The following ACOT1 variants were observed in gnomAD, a reference collection of about 807,000 sequenced individuals.
ACOT1 encodes acyl-CoA thioesterase 1.
Under a neutral mutation model 15.7 loss-of-function variants are expected in ACOT1, and 8 were observed. The observed-to-expected ratio is 0.51, with a 90% CI of 0.30 to 0.92. ACOT1 has a LOEUF of 0.92. Ranked by LOEUF, ACOT1 falls within the 40% of genes least tolerant of loss-of-function variation. The pLI is 0.06. For missense variants in ACOT1, 151 were observed against 539.4 expected (o/e 0.28, Z 7.13); for synonymous variants, 67 against 241.2 (o/e 0.28, Z 6.69).
Position 73,542,961 on chromosome 14 carries a change from G to A in ACOT1, c.661-89G>A. On this transcript the variant is annotated intron_variant, in intron 2 of 2. Coordinates refer to ENST00000311148, the MANE Select transcript of ACOT1 (RefSeq NM_001037161.2). The stretch of plus-strand genomic sequence containing the variant: ...TGGTAGAACCCAGATTCAGACTCAG[G>A]TTCAACTAACTTCCAGGGTGGGCAC... 2.5e-6 allele frequency: 3 copies of A among 1,192,850 alleles called. 1 individual carries two copies. Among genetic ancestry groups the A allele is most frequent in the Non-Finnish European group, 3.3e-6 (3 of 899,040 alleles). The allele number at this position is 1,192,850 out of a possible 1,614,324, so 73.9% of individuals were successfully genotyped here. A position where few individuals can be genotyped will look rare whatever the true frequency, so the allele number is the denominator to read the frequency against.
chr14:73,519,252 T>A, the ACOT1 span: 1 of 1,388,398 alleles, frequency 7.2e-7, no homozygotes, highest in Non-Finnish European at 9.8e-7. Flanking sequence ...CAGACCCAAC[T>A]TCCTTTTGCC....
chr14:73,491,193 C>G, the ACOT1 span: 1 of 1,596,838 alleles, frequency 6.3e-7, no homozygotes, highest in Non-Finnish European at 8.5e-7. Flanking sequence ...CAGACGCTGC[C>G]TAGCGAGAAC....
chr14:73,542,917 A>G, intron 2 of ACOT1, 133 bp from the exon 3 acceptor site: 1 of 969,160 alleles, frequency 1.0e-6, no homozygotes, highest in South Asian at 1.8e-5. Flanking sequence ...AAATTCCCAA[A>G]GCTGCAAATC....
the ACOT1 span, among the ~76,000 whole-genome samples, chr14:73,504,970 C>T: frequency 1.5e-4 from 23 of 151,924 alleles, no homozygotes; most frequent in Admixed American, 6.6e-4. Flanking sequence ...CTCGCTCTGT[C>T]GCCCAGGCTG....
chr14:73,537,345 A>T lies in ACOT1; in HGVS notation c.-77A>T. The T allele has an allele frequency of 8.6e-7, 1 of 1,161,236 alleles. No individual in the cohort carries two copies. The highest frequency in any genetic ancestry group is 1.1e-6 in the Non-Finnish European group (1 of 871,760). 71.9% of individuals were successfully genotyped at this position (1,161,236 alleles called of 1,614,324 possible). On this transcript the variant is annotated 5_prime_UTR_variant, in exon 1 of 3. Transcript: ENST00000311148. ...GCGTTTAGCCTGCGACGGCAGCCCG[A>T]GAGGAAGAGTTGGGCAGAGTTGCAG...
chr14:73,492,409 C>G, the ACOT1 span: 1 of 1,613,680 alleles, frequency 6.2e-7, no homozygotes, highest in South Asian at 1.1e-5. The surrounding 1 kb of genome is among the most constrained non-coding windows in gnomAD (Gnocchi z 4.9). Context: ...ACATGGGGGC[C>G]CAGCATTCAG....
the ACOT1 span, among the ~76,000 whole-genome samples, chr14:73,494,455 C>A: frequency 2.6e-5 from 4 of 152,178 alleles, no homozygotes; most frequent in Non-Finnish European, 5.9e-5. Flanking sequence ...TTTACAAATT[C>A]TTTTTAAAAA....
the ACOT1 span, chr14:73,492,075 G>T: frequency 6.2e-7 from 1 of 1,613,996 alleles, no homozygotes; most frequent in Non-Finnish European, 8.5e-7. This position sits in a 1 kb window ranked among gnomAD's most constrained non-coding sequence, Gnocchi z 4.9. Flanking sequence ...CAGCTGGAAG[G>T]TAGGAAACTC....
chr14:73,494,188 TTCTCA>T, the ACOT1 span, among the ~76,000 whole-genome samples: 1 of 152,236 alleles, frequency 6.6e-6, no homozygotes, highest in South Asian at 2.1e-4. Flanking sequence ...CAAGTGAATA[TTCTCA>T]TGGTTGGTGG....
At chr14:73,492,261 C>T in the ACOT1 span, 1 of 1,614,040 alleles carries the variant, frequency 6.2e-7, no homozygotes, top group Non-Finnish European at 8.5e-7. This position sits in a 1 kb window ranked among gnomAD's most constrained non-coding sequence, Gnocchi z 4.9. Context: ...GGAGTCCACT[C>T]TCTGCACCTC....
At chr14:73,496,713 A>C in the ACOT1 span, 2 of 1,176,088 alleles carry the variant, frequency 1.7e-6, no homozygotes, top group South Asian at 2.5e-5. Flanking sequence ...AGATTATTCT[A>C]CCCTGCCCTT....
chr14:73,533,772 T>C (rs1333074555), upstream of ACOT1, among the ~76,000 whole-genome samples: 2 of 110,182 alleles, frequency 1.8e-5, 1 homozygote, highest in Non-Finnish European at 3.9e-5. Flanking sequence ...AATGGGCTTG[T>C]TCCAGCAGCT....
chr14:73,517,734 G>GAGACATGGGGGAAGAGAGGAAAGA, the ACOT1 span, among the ~76,000 whole-genome samples: 30 of 150,768 alleles, frequency 2.0e-4, no homozygotes, highest in Non-Finnish European at 7.4e-5. Flanking sequence ...GAGAGGAAAG[G>GAGACATGGGGGAAGAGAGGAAAGA]GAGACATGAA....
chr14:73,500,468 T>G, the ACOT1 span: 1 of 1,396,798 alleles, frequency 7.2e-7, no homozygotes, highest in Non-Finnish European at 9.9e-7. Context: ...CACAGAATGT[T>G]GAGCATACTG....
chr14:73,496,989 A>G, the ACOT1 span, among the ~76,000 whole-genome samples: 3 of 152,164 alleles, frequency 2.0e-5, no homozygotes, highest in African/African-American at 7.2e-5. Flanking sequence ...TCCACCTCCC[A>G]GGTTCAAGCG....
the ACOT1 span, chr14:73,496,638 T>C: frequency 5.0e-6 from 8 of 1,602,960 alleles, no homozygotes; most frequent in Non-Finnish European, 6.8e-6. Context: ...TTGGTTTCCT[T>C]CATTTCCTAA....
upstream of ACOT1, among the ~76,000 whole-genome samples, chr14:73,533,362 C>T (rs567023159): frequency 8.7e-6 from 1 of 115,500 alleles, no homozygotes; most frequent in African/African-American, 2.8e-5. Context: ...ATACATACAA[C>T]AGAATGTTAT....
chr14:73,502,941 C>T, the ACOT1 span: 1 of 1,614,054 alleles, frequency 6.2e-7, no homozygotes, highest in Non-Finnish European at 8.5e-7. Context: ...TGCCCAAGCG[C>T]CTGTGCAGCT....
the ACOT1 span, among the ~76,000 whole-genome samples, chr14:73,502,148 A>C: frequency 2.0e-4 from 30 of 149,966 alleles, no homozygotes; most frequent in African/African-American, 7.1e-4. Flanking sequence ...CCTGCTTCAG[A>C]GTCTCAAAGT....
Sources: gnomAD v4.1 joint callset for allele counts (sites outside exome capture counted in the v4.1 genomes callset) on GRCh38, gnomAD v4.1.1 for gene constraint, Gnocchi (gnomAD v3.1) non-coding constraint, MANE v1.5 for transcripts, NCBI Gene and HGNC (gene_info 2026-07-23, HGNC 2026-07-21) for gene names.